C11orf65: variants seen among roughly 807,000 people sequenced by gnomAD.
C11orf65 encodes the protein protein MFI.
A neutral mutation model predicts 35.3 loss-of-function variants in C11orf65; 38 were observed. That is an observed-to-expected ratio of 1.08 (90% CI 0.83 to 1.41). C11orf65 has a LOEUF of 1.41. Ranked by LOEUF, C11orf65 falls within the 40% of genes most tolerant of loss-of-function variation. C11orf65 has a pLI of 0.00. For synonymous variants in C11orf65, 105 were observed against 114.4 expected, an observed-to-expected ratio of 0.92 and a Z score of 0.53; for missense variants, 370 against 367.1, an observed-to-expected ratio of 1.01 and a Z score of -0.06.
At chr11:108,457,178 A>G (rs925077123) in intron 2 of C11orf65, among the ~76,000 whole-genome samples, 1 of 152,174 alleles carries the variant, frequency 6.6e-6, no homozygotes. Context: ...TTAAAAAAAA[A>G]CATGATGATA....
chr11:108,449,926 A>C (rs2093323009), intron 2 of C11orf65, among the ~76,000 whole-genome samples: 1 of 152,004 alleles, frequency 6.6e-6, no homozygotes, highest in African/African-American at 2.4e-5. Context: ...CAATGAACTC[A>C]AACAAATTTA....
rs1565541059 is a variant in C11orf65, at chr11:108,335,066, A to G, written c.299+154T>C. Reference sequence around the variant, plus strand: ...GGTGTAAATTTACCAAAAATAATAGATTGTGTAGGTTCCGATGGCAAGGAG... The same window carrying G: ...GGTGTAAATTTACCAAAAATAATAGGTTGTGTAGGTTCCGATGGCAAGGAG... On this transcript the variant is annotated intron_variant, in intron 3 of 3. Coordinates refer to the C11orf65 transcript ENST00000524755. The G allele has an allele frequency of 6.2e-7, 1 of 1,613,980 alleles. No homozygotes were observed. Among genetic ancestry groups the G allele is most frequent in the Non-Finnish European group, 8.5e-7 (1 of 1,179,992 alleles).
At chr11:108,417,224 T>C (rs1402674706) in intron 3 of C11orf65, among the ~76,000 whole-genome samples, 3 of 152,088 alleles carry the variant, frequency 2.0e-5, no homozygotes, top group Non-Finnish European at 4.4e-5. Flanking sequence ...AAGAGTATCC[T>C]ACTGGATAAA....
chr11:108,450,418 T>C (rs970340032), intron 2 of C11orf65, among the ~76,000 whole-genome samples: 23 of 151,556 alleles, frequency 1.5e-4, no homozygotes, highest in Non-Finnish European at 3.2e-4. Flanking sequence ...ATGTGGCACA[T>C]ATACACCATG....
intron 2 of C11orf65, among the ~76,000 whole-genome samples, chr11:108,440,911 C>T (rs538145597): frequency 4.6e-5 from 7 of 152,240 alleles, no homozygotes; most frequent in African/African-American, 1.2e-4. Flanking sequence ...GCATGAGCAA[C>T]GCAGAAGACA....
chr11:108,469,476 AT>A (rs2093564135), upstream of C11orf65, among the ~76,000 whole-genome samples: 1 of 151,416 alleles, frequency 6.6e-6, no homozygotes, highest in Non-Finnish European at 1.5e-5. Flanking sequence ...TGCAAAAGTA[AT>A]TGCGGTTTTT....
intron 2 of C11orf65, among the ~76,000 whole-genome samples, chr11:108,450,965 T>A (rs571800910): frequency 7.2e-5 from 11 of 152,008 alleles, no homozygotes; most frequent in Admixed American, 2.0e-4. Flanking sequence ...CAGCTCTTCA[T>A]GCTAAAAACT....
chr11:108,357,604 A>C (rs1322793202), intron 2 of C11orf65, among the ~76,000 whole-genome samples: 2 of 152,046 alleles, frequency 1.3e-5, no homozygotes, highest in Non-Finnish European at 2.9e-5. Context: ...ATCGGACAAC[A>C]GGCAGACTGC....
intron 2 of C11orf65, among the ~76,000 whole-genome samples, chr11:108,451,520 G>A (rs2093347244): frequency 6.6e-6 from 1 of 151,850 alleles, no homozygotes; most frequent in African/African-American, 2.4e-5. Flanking sequence ...ACAAACAAAT[G>A]GAAGAACATT....
intron 6 of C11orf65, chr11:108,321,229 A>G (rs2085182672): frequency 1.3e-6 from 2 of 1,595,372 alleles, no homozygotes; most frequent in Admixed American, 3.4e-5. Context: ...CTCTTTAACA[A>G]CAAATTTAAA....
intron 7 of C11orf65, among the ~76,000 whole-genome samples, chr11:108,390,664 C>G (rs2092138515): frequency 1.3e-5 from 2 of 152,260 alleles, no homozygotes; most frequent in South Asian, 4.1e-4. Flanking sequence ...CCTCTCTTTT[C>G]CACTCAGCAA....
rs775040844 is a variant in C11orf65, at chr11:108,431,777, C to T, written c.143G>A (p.Arg48His). 1.6e-5 allele frequency: 24 copies of T among 1,517,828 alleles called. No individual in the cohort carries two copies. Among genetic ancestry groups the T allele is most frequent in the Admixed American group, 8.9e-5 (5 of 56,404 alleles). 94.0% of individuals were successfully genotyped at this position (1,517,828 alleles called of 1,614,324 possible). The change falls in exon 3 of 9, where the codon CGT becomes CAT. Residue 48 changes from arginine (R) to histidine (H), a missense_variant. Arg to His is a conservative substitution (Grantham distance 29, BLOSUM62 0). Transcript: ENST00000393084. ...GGGATTAATATATTTCACTATCTGA[C>T]GTGGTTCTCCTTGTCTTCTTAAATC... ...LIDLRRQGEP[R>H]QIVKYINPKE...
intron 2 of C11orf65, among the ~76,000 whole-genome samples, chr11:108,436,419 G>A (rs970617639): frequency 2.0e-5 from 3 of 152,168 alleles, no homozygotes; most frequent in Non-Finnish European, 4.4e-5. Context: ...GTAGAGTATG[G>A]TTCAGCAAAA....
At chr11:108,319,002 C>T (rs1313643339) in intron 6 of C11orf65, among the ~76,000 whole-genome samples, 1 of 151,296 alleles carries the variant, frequency 6.6e-6, no homozygotes, top group African/African-American at 2.5e-5. Flanking sequence ...ATGGTGAAAC[C>T]CCATCTCTAC....
chr11:108,395,880 C>A (rs2092298724), intron 6 of C11orf65, among the ~76,000 whole-genome samples: 1 of 151,866 alleles, frequency 6.6e-6, no homozygotes, highest in South Asian at 2.1e-4. Context: ...CTCGGCCTCA[C>A]AAAGTGCTGG....
intron 6 of C11orf65, among the ~76,000 whole-genome samples, chr11:108,394,806 C>G (rs1420795535): frequency 1.5e-4 from 23 of 152,152 alleles, no homozygotes; most frequent in Admixed American, 1.4e-3. Flanking sequence ...AATAACCTAG[C>G]CTTTCTGGGC....
rs886961687 is a variant in C11orf65, at chr11:108,361,365, A to C, written c.227-26073T>G. Among the ~76,000 whole-genome samples, 867 of 151,218 alleles carry C rather than the reference A, an allele frequency of 5.7e-3. 8 individuals are homozygous for C. Among genetic ancestry groups the C allele is most frequent in the African/African-American group, 0.017 (700 of 41,068 alleles). On this transcript the variant is annotated intron_variant, in intron 2 of 3. Transcript: ENST00000524755. ...AAGAATCAATATTGTGAAAATGGCCATACTGCCCAAGGTAATTTACAGATT... is the reference window on the plus strand; with the variant it reads ...AAGAATCAATATTGTGAAAATGGCCCTACTGCCCAAGGTAATTTACAGATT...
At chr11:108,381,239 T>G (rs2091859277), downstream of C11orf65, among the ~76,000 whole-genome samples, 1 of 152,146 alleles carries the variant, frequency 6.6e-6, no homozygotes, top group Non-Finnish European at 1.5e-5. Flanking sequence ...ACCACTACTC[T>G]CAGTGATCCC....
rs146443497 is a variant in C11orf65 at position 108,425,274 on chromosome 11, G to C, written c.174+6472C>G. Among the ~76,000 whole-genome samples the C allele has an allele frequency of 8.7e-3, 1,325 of 151,946 alleles. 20 individuals are homozygous for C. The highest frequency in any genetic ancestry group is 0.03 in the African/African-American group (1,236 of 41,490). ...CCACTAGCCAGACTAACAAAGAAGA[G>C]AGAAGAATCAAATAGATACAATAAA... is the stretch of plus-strand genomic sequence containing the variant. On this transcript the variant is annotated intron_variant, in intron 3 of 8. Transcript: ENST00000393084.
Sources: gnomAD v4.1 joint callset for allele counts (sites outside exome capture counted in the v4.1 genomes callset) on GRCh38, gnomAD v4.1.1 for gene constraint, MANE v1.5 for transcripts, NCBI Gene and HGNC (gene_info 2026-07-23, HGNC 2026-07-21) for gene names.